SLC12A6: variants seen among roughly 807,000 people sequenced by gnomAD.
The protein encoded by SLC12A6 is K-Cl cotransporter 3.
In SLC12A6, 66 loss-of-function variants were observed where a neutral mutation model predicts 135.3. That is an observed-to-expected ratio of 0.49 (90% CI 0.40 to 0.60). The LOEUF (loss-of-function observed/expected upper bound fraction) is 0.60, where lower values mean the gene tolerates loss of function less well. SLC12A6 is among the 20% of genes least tolerant of loss of function. SLC12A6 has a pLI of 0.00. For synonymous variants in SLC12A6, 513 were observed against 508.8 expected, an observed-to-expected ratio of 1.01 and a Z score of -0.11; for missense variants, 1,058 against 1,452.3, an observed-to-expected ratio of 0.73 and a Z score of 4.41.
At chr15:34,302,841 T>G (rs1388109093) in intron 2 of SLC12A6, among the ~76,000 whole-genome samples, 1 of 151,598 alleles carries the variant, frequency 6.6e-6, no homozygotes, top group Non-Finnish European at 1.5e-5. Context: ...TCCCAGCTAC[T>G]TGGGAGGCTG....
chr15:34,240,155 A>T (rs1417441635), intron 19 of SLC12A6, among the ~76,000 whole-genome samples: 1 of 152,150 alleles, frequency 6.6e-6, no homozygotes, highest in East Asian at 1.9e-4. Context: ...TTTCAAAAAC[A>T]ATAGGATTAG....
intron 2 of SLC12A6, among the ~76,000 whole-genome samples, chr15:34,303,217 G>C (rs1355673144): frequency 6.6e-6 from 1 of 152,094 alleles, no homozygotes. Flanking sequence ...TATTTTAAGA[G>C]CCTATATTGA....
intron 2 of SLC12A6, among the ~76,000 whole-genome samples, chr15:34,298,904 T>C (rs559749056): frequency 1.3e-5 from 2 of 152,306 alleles, no homozygotes; most frequent in Non-Finnish European, 2.9e-5. Context: ...CAAACAATCC[T>C]ACATTTTCCT....
intron 2 of SLC12A6, among the ~76,000 whole-genome samples, chr15:34,320,688 G>A (rs1173498075): frequency 1.3e-5 from 2 of 151,624 alleles, no homozygotes; most frequent in Non-Finnish European, 2.9e-5. Context: ...AGGCCGAGGC[G>A]GGTGGATCAA....
chr15:34,331,963 A>G (rs551439343), intron 2 of SLC12A6, among the ~76,000 whole-genome samples: 1 of 152,228 alleles, frequency 6.6e-6, no homozygotes, highest in Non-Finnish European at 1.5e-5. Context: ...ACTAGATCAC[A>G]TTACATGAGA....
intron 2 of SLC12A6, among the ~76,000 whole-genome samples, chr15:34,288,467 C>T (rs62017479): frequency 1.3e-5 from 2 of 152,210 alleles, no homozygotes; most frequent in Non-Finnish European, 2.9e-5. Context: ...GCAATGCGGG[C>T]TCTTTTTTGG....
At chr15:34,257,083 A>ACTATCACTATTTT (rs1432768590) in intron 6 of SLC12A6, among the ~76,000 whole-genome samples, 4 of 152,242 alleles carry the variant, frequency 2.6e-5, no homozygotes. Context: ...AAAAAAGGAC[A>ACTATCACTATTTT]GTAGAAAACT....
At chr15:34,281,622 T>C (rs1430681833) in intron 2 of SLC12A6, among the ~76,000 whole-genome samples, 3 of 152,122 alleles carry the variant, frequency 2.0e-5, no homozygotes, top group Non-Finnish European at 2.9e-5. Context: ...ACCCCATCTC[T>C]ACTAAAATAC....
rs77227436 is a variant in SLC12A6 at position 34,231,364 on chromosome 15, GAA to G, written c.*2515_*2516del. ...GCAACAAGAGCGAAACTACGTCTCG[GAA>G]AAAAAAAAAAAAGATACTGGATCCT... is the stretch of plus-strand genomic sequence containing the variant. On this transcript the variant is annotated 3_prime_UTR_variant, in exon 26 of 26. Coordinates refer to ENST00000354181, the MANE Select transcript of SLC12A6 (RefSeq NM_001365088.1). 5.8e-5 allele frequency: 8 copies of G among 138,450 alleles called. No homozygotes were observed. The highest frequency in any genetic ancestry group is 7.3e-5 in the Admixed American group (1 of 13,608). 8.6% of individuals were successfully genotyped at this position (138,450 alleles called of 1,614,324 possible).
intron 2 of SLC12A6, among the ~76,000 whole-genome samples, chr15:34,330,896 G>A (rs538471324): frequency 6.6e-6 from 1 of 152,096 alleles, no homozygotes; most frequent in South Asian, 2.1e-4. Flanking sequence ...ACAAAAATTA[G>A]CTGGGTGTAG....
intron 2 of SLC12A6, among the ~76,000 whole-genome samples, chr15:34,332,176 T>C (rs1889892407): frequency 6.6e-6 from 1 of 152,272 alleles, no homozygotes; most frequent in Non-Finnish European, 1.5e-5. Context: ...TTATAATTTA[T>C]ATACAAATGT....
In SLC12A6 at chr15:34,242,221, C is replaced by A; in HGVS notation, c.2043G>T (p.Trp681Cys). 2 of 1,599,082 alleles carry A rather than the reference C, an allele frequency of 1.3e-6. No individual in the cohort carries two copies. Among genetic ancestry groups the A allele is most frequent in the Non-Finnish European group, 1.7e-6 (2 of 1,167,178 alleles). ...NWRPRFRYYH[W>C]ALSFMGMSIC... ...TACTCATTCCCATGAAAGAAAGGGC[C>A]CTAGAAAATTAAAAACAAAAAAGTA... Residue 681 changes from tryptophan to cysteine, a missense_variant and splice_region_variant, in exon 17 of 26, where the codon TGG (tryptophan) becomes TGT (cysteine). By Grantham distance (215) the Trp-to-Cys change is radical. This residue lies in a region of SLC12A6 where 170 missense variants were observed against 297.6 expected (regional missense o/e 0.57). Transcript: ENST00000354181.
At chr15:34,246,823 A>G (rs772118366) in intron 13 of SLC12A6, among the ~76,000 whole-genome samples, 1 of 152,000 alleles carries the variant, frequency 6.6e-6, no homozygotes, top group Admixed American at 6.6e-5. Flanking sequence ...ATCTTTTACA[A>G]AAGTTTCTGT....
chr15:34,296,453 G>A (rs540507145), intron 2 of SLC12A6, among the ~76,000 whole-genome samples: 12 of 152,208 alleles, frequency 7.9e-5, no homozygotes, highest in South Asian at 4.1e-4. Flanking sequence ...AAAAAGACTC[G>A]CTTGAACTTG....
intron 2 of SLC12A6, among the ~76,000 whole-genome samples, chr15:34,279,651 A>G (rs1894540262): frequency 1.3e-5 from 2 of 152,212 alleles, no homozygotes; most frequent in Admixed American, 1.3e-4. Flanking sequence ...ATTACTCAAA[A>G]TGACATTTAT....
chr15:34,274,211 T>G (rs1375839880), intron 3 of SLC12A6, among the ~76,000 whole-genome samples: 1 of 152,200 alleles, frequency 6.6e-6, no homozygotes, highest in Non-Finnish European at 1.5e-5. Flanking sequence ...CTTTATGTAC[T>G]AAGATGTCCA....
chr15:34,254,236 G>C, intron 9 of SLC12A6, 112 bp downstream of exon 9: 1 of 1,151,084 alleles, frequency 8.7e-7, no homozygotes, highest in Non-Finnish European at 1.3e-6. Flanking sequence ...GCTTATCTGA[G>C]AGGGAAAATC....
chr15:34,309,333 CTT>C (rs1456088692), intron 2 of SLC12A6, among the ~76,000 whole-genome samples: 1 of 152,094 alleles, frequency 6.6e-6, no homozygotes, highest in East Asian at 1.9e-4. Context: ...TAAAATTACA[CTT>C]AATATATTTT....
In SLC12A6 at chr15:34,231,173, G is replaced by A. The variant is rs1890897245; in HGVS notation, c.*2708C>T. On this transcript the variant is annotated 3_prime_UTR_variant, in exon 26 of 26. Transcript: ENST00000354181. The stretch of plus-strand genomic sequence containing the variant: ...TTCGAGACCAGCCTGACCAACATCA[G>A]TTTCAGTAGAGAAACCCCGTCTCTA... The A allele has an allele frequency of 6.6e-6, 1 of 152,176 alleles. No homozygotes were observed. The highest frequency in any genetic ancestry group is 2.4e-5 in the African/African-American group (1 of 41,400). The allele number at this position is 152,176 out of a possible 1,614,324, so 9.4% of individuals were successfully genotyped here.
Sources: allele counts gnomAD v4.1 joint callset (sites outside exome capture counted in the v4.1 genomes callset), GRCh38; gene constraint gnomAD v4.1.1; regional missense constraint gnomAD v4.1.1; transcripts MANE v1.5; gene names NCBI Gene and HGNC (gene_info 2026-07-23, HGNC 2026-07-21).